CDH6: variants seen among roughly 807,000 people sequenced by gnomAD.
CDH6 encodes the protein cadherin 6.
In CDH6, 31 loss-of-function variants were observed where a neutral mutation model predicts 78.0. The ratio of observed to expected loss-of-function variants is 0.40; its 90% CI spans 0.30 to 0.54. CDH6 has a LOEUF of 0.54. Among genes scored for constraint, CDH6 ranks in the 20% least tolerant of loss-of-function variants. The pLI, the probability that CDH6 is intolerant of heterozygous loss-of-function variation, is 0.56. For synonymous variants in CDH6, 376 were observed against 368.8 expected, an observed-to-expected ratio of 1.02 and a Z score of -0.23; for missense variants, 724 against 975.9, an observed-to-expected ratio of 0.74 and a Z score of 3.44.
intron 1 of CDH6, among the ~76,000 whole-genome samples, chr5:31,208,810 G>C (rs1288675855): frequency 6.6e-6 from 1 of 152,180 alleles, no homozygotes; most frequent in African/African-American, 2.4e-5. Context: ...GTTTCTACAG[G>C]TAGTCTAATA....
At chr5:31,292,847 GTGTGCATATATATATATATATATATA>G (rs1437541501) in intron 2 of CDH6, among the ~76,000 whole-genome samples, 1 of 2,140 alleles carries the variant, frequency 4.7e-4, no homozygotes, top group Admixed American at 6.5e-3. Context: ...ATATATATAT[GTGTGCATATATATATATATATATATA>G]TGTATGTGTT....
intron 1 of CDH6, among the ~76,000 whole-genome samples, chr5:31,209,198 G>T (rs1371331365): frequency 6.6e-6 from 1 of 152,130 alleles, no homozygotes; most frequent in Non-Finnish European, 1.5e-5. Context: ...CTAGACTAGA[G>T]TAGGTACCAT....
At chr5:31,221,127 C>G (rs1187283381) in intron 1 of CDH6, among the ~76,000 whole-genome samples, 10 of 152,168 alleles carry the variant, frequency 6.6e-5, no homozygotes. Flanking sequence ...GTTCATTATG[C>G]AAGCACAGCC....
intron 2 of CDH6, among the ~76,000 whole-genome samples, chr5:31,273,742 AAT>A (rs1742600795): frequency 6.6e-6 from 1 of 152,310 alleles, no homozygotes; most frequent in East Asian, 1.9e-4. Flanking sequence ...GAGAAAAAAA[AAT>A]TTTTTTAAAG....
At chr5:31,276,059 C>T (rs557625462) in intron 2 of CDH6, among the ~76,000 whole-genome samples, 29 of 152,282 alleles carry the variant, frequency 1.9e-4, no homozygotes, top group South Asian at 8.3e-4. Flanking sequence ...GGCTGCTGGG[C>T]GCAAACTCCC....
At chr5:31,194,975 C>T (rs1412469807) in intron 1 of CDH6, among the ~76,000 whole-genome samples, 1 of 151,904 alleles carries the variant, frequency 6.6e-6, no homozygotes, top group Non-Finnish European at 1.5e-5. Flanking sequence ...ATGCAGGTCT[C>T]TGTCAGTGCA....
At chr5:31,211,252 G>A (rs181651670) in intron 1 of CDH6, among the ~76,000 whole-genome samples, 1 of 152,106 alleles carries the variant, frequency 6.6e-6, no homozygotes, top group East Asian at 1.9e-4. Flanking sequence ...AGATTCAAAG[G>A]ACATCAGGCT....
chr5:31,225,541 G>T (rs1020903665), intron 1 of CDH6, among the ~76,000 whole-genome samples: 1 of 152,144 alleles, frequency 6.6e-6, no homozygotes, highest in Non-Finnish European at 1.5e-5. Flanking sequence ...TTACAATCTT[G>T]GTGGTTGGCG....
At chr5:31,283,175 C>T (rs1742908148) in intron 2 of CDH6, among the ~76,000 whole-genome samples, 1 of 152,178 alleles carries the variant, frequency 6.6e-6, no homozygotes, top group South Asian at 2.1e-4. Context: ...GGACAAAGGA[C>T]TCTGCTGAAC....
At chr5:31,238,218 G>A (rs1741502538) in intron 1 of CDH6, among the ~76,000 whole-genome samples, 1 of 152,204 alleles carries the variant, frequency 6.6e-6, no homozygotes, top group African/African-American at 2.4e-5. Context: ...GTCAGAGGGT[G>A]GCAGCTGATG....
At chr5:31,252,128 T>C (rs910994312) in intron 1 of CDH6, among the ~76,000 whole-genome samples, 16 of 152,272 alleles carry the variant, frequency 1.1e-4, no homozygotes, top group Non-Finnish European at 1.3e-4. Context: ...TATCTGAGGG[T>C]GGCTGTGATT....
At chr5:31,200,512 A>C (rs1326403633) in intron 1 of CDH6, among the ~76,000 whole-genome samples, 1 of 151,740 alleles carries the variant, frequency 6.6e-6, no homozygotes, top group Admixed American at 6.6e-5. Flanking sequence ...CTTCATTACT[A>C]TCACAATTTG....
At chr5:31,320,125 T>A (rs1738440273) in intron 11 of CDH6, among the ~76,000 whole-genome samples, 2 of 152,232 alleles carry the variant, frequency 1.3e-5, no homozygotes, top group Admixed American at 6.5e-5. Flanking sequence ...TCATAGGGCA[T>A]CACTTTCTAA....
chr5:31,322,014 C>T (rs1738488134), intron 11 of CDH6, among the ~76,000 whole-genome samples: 1 of 152,292 alleles, frequency 6.6e-6, no homozygotes, highest in South Asian at 2.1e-4. Context: ...TGTTTTACCT[C>T]TAATTTGAGT....
chr5:31,316,072 G>T, intron 8 of CDH6, 136 bp from the exon 9 acceptor site: 1 of 854,960 alleles, frequency 1.2e-6, no homozygotes, highest in South Asian at 2.2e-5. Flanking sequence ...GACCACACTG[G>T]TACTTAATGC....
chr5:31,310,316 G>A (rs1738111350), intron 7 of CDH6, among the ~76,000 whole-genome samples: 1 of 152,220 alleles, frequency 6.6e-6, no homozygotes, highest in African/African-American at 2.4e-5. Flanking sequence ...CACCCCTAGG[G>A]CACACTGATA....
intron 1 of CDH6, among the ~76,000 whole-genome samples, chr5:31,242,778 T>C (rs541960951): frequency 6.6e-6 from 1 of 151,894 alleles, no homozygotes; most frequent in African/African-American, 2.4e-5. Context: ...TCTCAGCACT[T>C]TGAGAGGCTG....
At chr5:31,220,871 G>A (rs1740986108) in intron 1 of CDH6, among the ~76,000 whole-genome samples, 1 of 152,290 alleles carries the variant, frequency 6.6e-6, no homozygotes, top group African/African-American at 2.4e-5. Context: ...GGTAAGGAGT[G>A]TAGGGAAGCA....
chr5:31,248,328 C>T (rs1246033051), intron 1 of CDH6, among the ~76,000 whole-genome samples: 2 of 152,176 alleles, frequency 1.3e-5, no homozygotes, highest in African/African-American at 4.8e-5. Context: ...CCTTTTTCCA[C>T]TCATTTCCAA....
Sources: gnomAD v4.1 joint callset for allele counts (sites outside exome capture counted in the v4.1 genomes callset) on GRCh38, gnomAD v4.1.1 for gene constraint, MANE v1.5 for transcripts, NCBI Gene and HGNC (gene_info 2026-07-23, HGNC 2026-07-21) for gene names.